PAIP2B: variants seen among roughly 807,000 people sequenced by gnomAD.
The protein encoded by PAIP2B is poly(A) binding protein interacting protein 2B, also known as polyadenylate-binding protein-interacting protein 2B.
Under a neutral mutation model 17.0 loss-of-function variants are expected in PAIP2B, and 13 were observed. The ratio of observed to expected loss-of-function variants is 0.76; its 90% CI spans 0.50 to 1.22. The LOEUF is 1.22. PAIP2B is among the 50% of genes most tolerant of loss of function. The probability of loss-of-function intolerance (pLI) is 0.00; values close to 1 mark genes in which losing one functional copy is unlikely to be tolerated. For missense variants in PAIP2B, 117 were observed against 144.5 expected (o/e 0.81, Z 0.98); for synonymous variants, 43 against 48.7 (o/e 0.88, Z 0.48).
intron 2 of PAIP2B, among the ~76,000 whole-genome samples, chr2:71,201,539 C>A (rs34433490): frequency 0.067 from 10,114 of 152,058 alleles, 375 homozygotes; most frequent in African/African-American, 0.092. Context: ...TGCCACCATG[C>A]CCAGCTAATT....
intron 2 of PAIP2B, among the ~76,000 whole-genome samples, chr2:71,197,033 T>C (rs1032284683): frequency 7.9e-5 from 12 of 152,328 alleles, no homozygotes; most frequent in Middle Eastern, 6.8e-3. Context: ...GGTATTGATA[T>C]GTGTGGATTT....
chr2:71,213,460 G>A (rs1183472377), intron 1 of PAIP2B, among the ~76,000 whole-genome samples: 2 of 152,140 alleles, frequency 1.3e-5, no homozygotes, highest in African/African-American at 4.8e-5. Flanking sequence ...ACGAGGGTAA[G>A]GTCAGAACAT....
intron 1 of PAIP2B, among the ~76,000 whole-genome samples, chr2:71,219,073 G>A (rs1045292550): frequency 3.5e-5 from 5 of 144,242 alleles, no homozygotes; most frequent in African/African-American, 1.0e-4. Context: ...CCGCCACCAC[G>A]CCTAGCTAAT....
intron 1 of PAIP2B, among the ~76,000 whole-genome samples, chr2:71,224,361 G>A (rs192811070): frequency 3.3e-5 from 5 of 152,254 alleles, no homozygotes; most frequent in East Asian, 1.9e-4. Context: ...TTTTCCCTGG[G>A]AACAAGGGTT....
At chr2:71,207,030 A>C (rs1675149147) in intron 1 of PAIP2B, among the ~76,000 whole-genome samples, 1 of 152,322 alleles carries the variant, frequency 6.6e-6, no homozygotes, top group South Asian at 2.1e-4. Context: ...CTGAGTGCCT[A>C]CTGACCCTCT....
At chr2:71,202,855 C>G (rs1675022313) in intron 1 of PAIP2B, among the ~76,000 whole-genome samples, 3 of 152,038 alleles carry the variant, frequency 2.0e-5, no homozygotes, top group Admixed American at 6.6e-5. Flanking sequence ...TCTTTCTAGG[C>G]AGGTGGGACA....
intron 1 of PAIP2B, among the ~76,000 whole-genome samples, chr2:71,226,468 G>C (rs1258091496): frequency 6.6e-6 from 1 of 152,224 alleles, no homozygotes; most frequent in African/African-American, 2.4e-5. Flanking sequence ...ACGCGCAGGG[G>C]CCGCGAATAG....
chr2:71,209,116 T>C (rs1024655550), intron 1 of PAIP2B, among the ~76,000 whole-genome samples: 1 of 151,748 alleles, frequency 6.6e-6, no homozygotes, highest in African/African-American at 2.4e-5. Flanking sequence ...GACCATGGAG[T>C]CTCTGATGAC....
At chr2:71,216,066 A>G (rs1318817838) in intron 1 of PAIP2B, among the ~76,000 whole-genome samples, 1 of 152,232 alleles carries the variant, frequency 6.6e-6, no homozygotes, top group Non-Finnish European at 1.5e-5. Flanking sequence ...CAACATTCCA[A>G]TAAGATAAAA....
intron 1 of PAIP2B, among the ~76,000 whole-genome samples, chr2:71,215,028 C>CA (rs1675392887): frequency 2.0e-5 from 3 of 151,370 alleles, no homozygotes; most frequent in East Asian, 1.9e-4. Flanking sequence ...ATTTTAGCAC[C>CA]AAAAAAACAA....
intron 1 of PAIP2B, among the ~76,000 whole-genome samples, chr2:71,220,817 C>A (rs953082987): frequency 1.3e-5 from 2 of 152,194 alleles, no homozygotes; most frequent in African/African-American, 2.4e-5. Context: ...CTTTCCCCAG[C>A]ACTCCATATA....
At chr2:71,196,053 C>G (rs187468813) in intron 2 of PAIP2B, among the ~76,000 whole-genome samples, 1 of 152,196 alleles carries the variant, frequency 6.6e-6, no homozygotes, top group South Asian at 2.1e-4. Context: ...TCGTCTTCTG[C>G]TAGCTTTGGG....
chr2:71,225,306 C>G (rs537243095), intron 1 of PAIP2B, among the ~76,000 whole-genome samples: 1 of 152,146 alleles, frequency 6.6e-6, no homozygotes, highest in East Asian at 1.9e-4. Flanking sequence ...ATACAAGATA[C>G]AATTTTACCA....
rs139726073 is a variant in PAIP2B, at chr2:71,194,631, T to C, written c.139-4610A>G. Among the ~76,000 whole-genome samples, 949 of 152,332 alleles carry C rather than the reference T, an allele frequency of 6.2e-3. 1 individual carries two copies. The highest frequency in any genetic ancestry group is 9.7e-3 in the Non-Finnish European group (660 of 68,024). On this transcript the variant is annotated intron_variant, in intron 2 of 3. Transcript: ENST00000244221. ...AGTTATTTATCAGCTAAAGGAGCTTTTGGGCTGAGACTACGGAGTTTTCTA... is the reference window on the plus strand; with the variant it reads ...AGTTATTTATCAGCTAAAGGAGCTTCTGGGCTGAGACTACGGAGTTTTCTA...
In PAIP2B at chr2:71,185,960, T is replaced by C. The variant is rs1674525539; in HGVS notation, c.*2519A>G. ...CAGATTGGCAACTGTTAGAAATACA[T>C]GTTCCATTTCTATACAAATTCTCAA... On this transcript the variant is annotated 3_prime_UTR_variant, in exon 4 of 4. Coordinates refer to ENST00000244221, the MANE Select transcript of PAIP2B (RefSeq NM_020459.1). The C allele has an allele frequency of 6.6e-6, 1 of 152,264 alleles. No homozygotes were observed. The highest frequency in any genetic ancestry group is 6.5e-5 in the Admixed American group (1 of 15,286). The allele number at this position is 152,264 out of a possible 1,614,324, so 9.4% of individuals were successfully genotyped here.
intron 2 of PAIP2B, among the ~76,000 whole-genome samples, chr2:71,193,037 T>C (rs1385221278): frequency 6.6e-6 from 1 of 152,228 alleles, no homozygotes; most frequent in African/African-American, 2.4e-5. Context: ...GCTGAAGTAA[T>C]TTACACTCCT....
chr2:71,214,719 C>T (rs1675384943), intron 1 of PAIP2B, among the ~76,000 whole-genome samples: 2 of 152,120 alleles, frequency 1.3e-5, no homozygotes, highest in East Asian at 1.9e-4. Context: ...TATCGGGTGA[C>T]TAAGGATGCT....
chr2:71,212,963 G>A (rs769736195), intron 1 of PAIP2B, among the ~76,000 whole-genome samples: 1 of 150,014 alleles, frequency 6.7e-6, no homozygotes, highest in Non-Finnish European at 1.5e-5. Context: ...TGTTGCCCAG[G>A]CTGGTCTCAA....
intron 2 of PAIP2B, among the ~76,000 whole-genome samples, chr2:71,190,418 C>T (rs953835746): frequency 4.6e-5 from 7 of 151,664 alleles, no homozygotes; most frequent in East Asian, 1.9e-4. Flanking sequence ...AATGAGACCC[C>T]GATTCTTTAA....
Sources: gnomAD v4.1 joint callset for allele counts (sites outside exome capture counted in the v4.1 genomes callset) on GRCh38, gnomAD v4.1.1 for gene constraint, MANE v1.5 for transcripts, NCBI Gene and HGNC (gene_info 2026-07-23, HGNC 2026-07-21) for gene names.